The following SNX19 variants were observed in gnomAD, a reference collection of about 807,000 sequenced individuals.
SNX19 encodes the protein sorting nexin 19, also known as sorting nexin-19.
SNX19 carries 60 observed loss-of-function variants against 85.2 expected under a neutral mutation model. That is an observed-to-expected ratio of 0.70 (90% CI 0.57 to 0.87). The LOEUF (loss-of-function observed/expected upper bound fraction) is 0.87, where lower values mean the gene tolerates loss of function less well. SNX19 is among the 40% of genes least tolerant of loss of function. The pLI is 0.00. For synonymous variants in SNX19, 520 were observed against 470.0 expected, an observed-to-expected ratio of 1.11 and a Z score of -1.38; for missense variants, 1,201 against 1,217.8, an observed-to-expected ratio of 0.99 and a Z score of 0.21.
At position 130,914,495 on chromosome 11, in the gene SNX19, C is replaced by T. The variant is rs1176193207; in HGVS notation, c.1445G>A (p.Cys482Tyr). 5.6e-6 allele frequency: 9 copies of T among 1,613,872 alleles called. No individual in the cohort carries two copies. The East Asian group carries it at 1.1e-4, about 20-fold the overall frequency. The stretch of plus-strand genomic sequence containing the variant: ...ATCATTGGTGAGATCCTTCTCTAAG[C>T]ATGACGGCCGTGAGGGGCAGGTCTT... Reference protein sequence around the residue: ...PEKTCPSRPSCLEKDLTNDVS... With the variant: ...PEKTCPSRPSYLEKDLTNDVS... The change falls in exon 1 of 11, where the codon TGC (cysteine) becomes TAC (tyrosine). Residue 482 changes from cysteine (C) to tyrosine (Y), a missense_variant. Physicochemically the swap from Cys to Tyr is radical, Grantham distance 194. This residue lies in a region of SNX19 where 791 missense variants were observed against 750.9 expected (regional missense o/e 1.05). Coordinates refer to ENST00000265909, the MANE Select transcript of SNX19 (RefSeq NM_014758.3).
chr11:130,893,458 A>G (rs531211644), intron 8 of SNX19, among the ~76,000 whole-genome samples: 1 of 152,274 alleles, frequency 6.6e-6, no homozygotes, highest in South Asian at 2.1e-4. Context: ...AAACACTGAG[A>G]GGGGTGTAGA....
intron 1 of SNX19, among the ~76,000 whole-genome samples, chr11:130,913,517 A>G (rs1385111835): frequency 1.3e-5 from 2 of 152,152 alleles, no homozygotes; most frequent in Admixed American, 1.3e-4. Context: ...TCTTAGTTGG[A>G]TTGGGAGTTC....
At chr11:130,882,366 G>A (rs1269516044) in intron 8 of SNX19, among the ~76,000 whole-genome samples, 2 of 152,240 alleles carry the variant, frequency 1.3e-5, no homozygotes, top group Admixed American at 6.5e-5. Flanking sequence ...TCCAAGAGCA[G>A]AGGGGGCTGC....
Position 130,916,049 on chromosome 11 carries a change from G to GTTCAGGGAA in SNX19, c.-119_-111dup. ...TCAGATATGGGGCGATCTGGGTGCT[G>GTTCAGGGAA]TTCAGGGAACCGGGGCTCCAGGCCC... On this transcript the variant is annotated 5_prime_UTR_variant, in exon 1 of 11. Transcript: ENST00000265909. 9.9e-7 allele frequency: 1 copy of GTTCAGGGAA among 1,005,086 alleles called. No homozygotes were observed. The highest frequency in any genetic ancestry group is 1.7e-5 in the South Asian group (1 of 60,118). 62.3% of individuals were successfully genotyped at this position (1,005,086 alleles called of 1,614,324 possible). A position where few individuals can be genotyped will look rare whatever the true frequency, so the allele number is the denominator to read the frequency against.
chr11:130,888,616 C>G (rs879788985), intron 8 of SNX19, among the ~76,000 whole-genome samples: 1 of 152,196 alleles, frequency 6.6e-6, no homozygotes, highest in African/African-American at 2.4e-5. Context: ...TCACAAACAT[C>G]TATTTCGTCA....
intron 8 of SNX19, among the ~76,000 whole-genome samples, chr11:130,883,330 T>C (rs765102328): frequency 1.1e-4 from 17 of 152,082 alleles, no homozygotes; most frequent in Non-Finnish European, 1.5e-4. Context: ...GAGTGCCATC[T>C]CTGAGTAAGT....
chr11:130,882,374 T>C (rs1332585971), intron 8 of SNX19, among the ~76,000 whole-genome samples: 2 of 152,250 alleles, frequency 1.3e-5, no homozygotes, highest in African/African-American at 4.8e-5. Context: ...CAGAGGGGGC[T>C]GCCAAGGCAA....
At chr11:130,888,359 C>T (rs1437134231) in intron 8 of SNX19, among the ~76,000 whole-genome samples, 1 of 152,034 alleles carries the variant, frequency 6.6e-6, no homozygotes, top group Non-Finnish European at 1.5e-5. Flanking sequence ...TAGAAATTTC[C>T]CTCTAGGATG....
intron 8 of SNX19, among the ~76,000 whole-genome samples, chr11:130,883,406 A>G (rs1192921181): frequency 2.0e-5 from 3 of 152,202 alleles, no homozygotes; most frequent in Non-Finnish European, 4.4e-5. Flanking sequence ...ACTGGCCAAC[A>G]GGAGGCCCTG....
Position 130,866,790 on chromosome 11 carries a change from C to G in SNX19, c.*11632G>C, listed in dbSNP as rs71483638. On this transcript the variant is annotated 3_prime_UTR_variant, in exon 11 of 11. Coordinates refer to ENST00000265909, the MANE Select transcript of SNX19 (RefSeq NM_014758.3). ...AAGGCTTTAGGTTCATACCTGTATA[C>G]GAAGGATAGTCCTGGTGTGGGGCAG... 2 of 152,124 alleles carry G rather than the reference C, an allele frequency of 1.3e-5. No homozygotes were observed. The highest frequency in any genetic ancestry group is 4.8e-5 in the African/African-American group (2 of 41,386). The allele number at this position is 152,124 out of a possible 1,614,324, so 9.4% of individuals were successfully genotyped here. A position where few individuals can be genotyped will look rare whatever the true frequency, so the allele number is the denominator to read the frequency against.
In SNX19 at chr11:130,915,499, G is replaced by A; in HGVS notation, c.441C>T (p.Ser147=). The change falls in exon 1 of 11, where the codon AGC becomes AGT. Residue 147 remains serine (S), a synonymous_variant. Coordinates refer to ENST00000265909, the MANE Select transcript of SNX19 (RefSeq NM_014758.3). ...GGGCAACAGCATGACTGTCCATCAC[G>A]CTCATCCTTCTCCGAAGCTCCTGGA... ...GLVQELRRRM[S]VMDSHAVAQS... 1.2e-6 allele frequency: 2 copies of A among 1,614,212 alleles called. No homozygotes were observed. The highest frequency in any genetic ancestry group is 1.7e-6 in the Non-Finnish European group (2 of 1,180,034).
At chr11:130,892,087 A>G (rs1592309886) in intron 8 of SNX19, among the ~76,000 whole-genome samples, 1 of 150,592 alleles carries the variant, frequency 6.6e-6, no homozygotes, top group Admixed American at 6.7e-5. Context: ...CAAATGATCC[A>G]CCCACCTTGG....
intron 8 of SNX19, among the ~76,000 whole-genome samples, chr11:130,887,631 C>T (rs1484804819): frequency 6.6e-6 from 1 of 152,180 alleles, no homozygotes; most frequent in Non-Finnish European, 1.5e-5. Context: ...CCAAATCGGC[C>T]TCCTTGTGTT....
At chr11:130,891,251 C>G (rs1309362122) in intron 8 of SNX19, among the ~76,000 whole-genome samples, 1 of 152,126 alleles carries the variant, frequency 6.6e-6, no homozygotes, top group Admixed American at 6.5e-5. Context: ...AAACTGTGGG[C>G]TAATACACCA....
chr11:130,896,533 C>G (rs1944889886), intron 8 of SNX19, among the ~76,000 whole-genome samples: 1 of 152,108 alleles, frequency 6.6e-6, no homozygotes, highest in South Asian at 2.1e-4. Context: ...TTCTAGTGGC[C>G]ACTGCTTTGT....
intron 8 of SNX19, among the ~76,000 whole-genome samples, chr11:130,891,923 C>T (rs1944527200): frequency 6.6e-6 from 1 of 150,468 alleles, no homozygotes; most frequent in South Asian, 2.1e-4. Context: ...TCACTGAAAC[C>T]TCCACCTCCT....
chr11:130,903,449 G>A, intron 7 of SNX19, 65 bp from the exon 8 acceptor site: 1 of 1,558,122 alleles, frequency 6.4e-7, no homozygotes, highest in Non-Finnish European at 8.7e-7. Flanking sequence ...CATCTTTCAA[G>A]GTACTGGTGG....
chr11:130,905,088 G>C (rs1270173509), intron 7 of SNX19, among the ~76,000 whole-genome samples: 1 of 152,204 alleles, frequency 6.6e-6, no homozygotes, highest in Non-Finnish European at 1.5e-5. Flanking sequence ...ATTCTCAACA[G>C]AGGGCTTTAT....
Position 130,874,153 on chromosome 11 carries a change from G to C in SNX19, c.*4269C>G. On this transcript the variant is annotated 3_prime_UTR_variant, in exon 11 of 11. Coordinates refer to ENST00000265909, the MANE Select transcript of SNX19 (RefSeq NM_014758.3). Reference sequence around the variant, plus strand: ...TCCTCCTGCCTCAGCCTCCCTAGTAGGTGGAACCACAGGCGAGAGCCACCA... The same window carrying C: ...TCCTCCTGCCTCAGCCTCCCTAGTACGTGGAACCACAGGCGAGAGCCACCA... 6.6e-6 allele frequency among the ~76,000 whole-genome samples: 1 copy of C among 151,982 alleles called. No individual in the cohort carries two copies. Among genetic ancestry groups the C allele is most frequent in the East Asian group, 1.9e-4 (1 of 5,166 alleles).
Sources: allele counts gnomAD v4.1 joint callset (sites outside exome capture counted in the v4.1 genomes callset), GRCh38; gene constraint gnomAD v4.1.1; regional missense constraint gnomAD v4.1.1; transcripts MANE v1.5; gene names NCBI Gene and HGNC (gene_info 2026-07-23, HGNC 2026-07-21).